The following SLC30A8 variants were observed in gnomAD, a reference collection of about 807,000 sequenced individuals.
SLC30A8 encodes the protein solute carrier family 30 member 8.
A neutral mutation model predicts 36.9 loss-of-function variants in SLC30A8; 27 were observed. That is an observed-to-expected ratio of 0.73 (90% CI 0.54 to 1.01). The LOEUF (loss-of-function observed/expected upper bound fraction) is 1.01, where lower values mean the gene tolerates loss of function less well. Ranked by LOEUF, SLC30A8 falls within the 50% of genes least tolerant of loss-of-function variation. The probability of loss-of-function intolerance (pLI) is 0.00; values close to 1 mark genes in which losing one functional copy is unlikely to be tolerated. For missense variants in SLC30A8, 439 were observed against 452.0 expected, an observed-to-expected ratio of 0.97 and a Z score of 0.26; for synonymous variants, 164 against 172.4, an observed-to-expected ratio of 0.95 and a Z score of 0.38.
intron 1 of SLC30A8, among the ~76,000 whole-genome samples, chr8:117,001,517 C>G (rs1816010800): frequency 1.3e-5 from 2 of 152,050 alleles, no homozygotes; most frequent in African/African-American, 4.8e-5. Context: ...CATCCTGATA[C>G]AAGTATTATT....
intron 1 of SLC30A8, among the ~76,000 whole-genome samples, chr8:116,968,966 A>C (rs895841147): frequency 2.6e-4 from 40 of 151,878 alleles, no homozygotes; most frequent in Non-Finnish European, 4.9e-4. Context: ...CCATCTCTTG[A>C]CCTTGTGATG....
At chr8:117,124,883 T>A (rs1262788588) in intron 2 of SLC30A8, among the ~76,000 whole-genome samples, 2 of 151,652 alleles carry the variant, frequency 1.3e-5, no homozygotes, top group African/African-American at 2.4e-5. Context: ...CATCCCACAA[T>A]ATCCACATGT....
At chr8:117,016,301 C>A (rs1586401268) in intron 1 of SLC30A8, among the ~76,000 whole-genome samples, 1 of 152,124 alleles carries the variant, frequency 6.6e-6, no homozygotes, top group Non-Finnish European at 1.5e-5. Flanking sequence ...TAATAGAAGT[C>A]GATATTGAAT....
chr8:117,054,098 CTT>C (rs4060800), intron 2 of SLC30A8, among the ~76,000 whole-genome samples: 53 of 124,008 alleles, frequency 4.3e-4, no homozygotes, highest in Admixed American at 5.0e-4. Context: ...CTGCAAAAAT[CTT>C]TTTTTTTTTT....
At chr8:117,121,969 T>C (rs571392087) in intron 2 of SLC30A8, among the ~76,000 whole-genome samples, 1 of 151,802 alleles carries the variant, frequency 6.6e-6, no homozygotes, top group East Asian at 2.0e-4. Flanking sequence ...CTTAAGAGAG[T>C]AGGTCTTATG....
intron 2 of SLC30A8, among the ~76,000 whole-genome samples, chr8:117,087,742 T>C (rs751990983): frequency 6.6e-6 from 1 of 152,182 alleles, no homozygotes; most frequent in Non-Finnish European, 1.5e-5. Flanking sequence ...CCTCTCATAA[T>C]AGGGTAGGTG....
intron 1 of SLC30A8, among the ~76,000 whole-genome samples, chr8:116,985,280 A>C (rs1455761924): frequency 7.1e-6 from 1 of 140,304 alleles, no homozygotes; most frequent in African/African-American, 2.7e-5. Context: ...AAGCATGTGC[A>C]TGCTCACACA....
intron 2 of SLC30A8, among the ~76,000 whole-genome samples, chr8:117,117,378 C>T (rs1820487238): frequency 6.6e-6 from 1 of 151,922 alleles, no homozygotes; most frequent in South Asian, 2.1e-4. Context: ...TATGTAACAT[C>T]ACCTCAGTAA....
At chr8:116,954,398 C>A (rs1814113292) in intron 1 of SLC30A8, among the ~76,000 whole-genome samples, 1 of 152,088 alleles carries the variant, frequency 6.6e-6, no homozygotes, top group South Asian at 2.1e-4. Context: ...TGGATAGAAT[C>A]ATCATAAATG....
At chr8:116,968,505 A>G (rs1814676913) in intron 1 of SLC30A8, among the ~76,000 whole-genome samples, 1 of 151,800 alleles carries the variant, frequency 6.6e-6, no homozygotes, top group Admixed American at 6.6e-5. Context: ...GAATTTGAGG[A>G]AACTGATGCC....
intron 2 of SLC30A8, among the ~76,000 whole-genome samples, chr8:117,051,846 G>A (rs373404247): frequency 2.0e-5 from 3 of 151,642 alleles, no homozygotes; most frequent in Non-Finnish European, 4.4e-5. Context: ...TAAAAAAACC[G>A]AGCCTGGCAC....
intron 3 of SLC30A8, among the ~76,000 whole-genome samples, chr8:117,154,237 C>T (rs940324046): frequency 2.0e-5 from 3 of 151,802 alleles, no homozygotes; most frequent in Admixed American, 6.6e-5. Flanking sequence ...TTTTACAGTC[C>T]CTCCCTAACC....
At chr8:116,964,022 A>G (rs1182175947) in intron 1 of SLC30A8, among the ~76,000 whole-genome samples, 2 of 152,248 alleles carry the variant, frequency 1.3e-5, no homozygotes, top group African/African-American at 4.8e-5. Flanking sequence ...AATTAAAGGT[A>G]TTATGTACTC....
At chr8:117,095,695 A>T (rs1293601108) in intron 2 of SLC30A8, among the ~76,000 whole-genome samples, 1 of 152,120 alleles carries the variant, frequency 6.6e-6, no homozygotes, top group Non-Finnish European at 1.5e-5. Context: ...TCATTCCTTT[A>T]GTCAGGTATG....
In SLC30A8 at chr8:117,175,732, A is replaced by G. The variant is rs1384154509; in HGVS notation, c.*3051A>G. 2 of 152,124 alleles carry G rather than the reference A, an allele frequency of 1.3e-5. No homozygotes were observed. Among genetic ancestry groups the G allele is most frequent in the Admixed American group, 6.6e-5 (1 of 15,266 alleles). The allele number at this position is 152,124 out of a possible 1,614,324, so 9.4% of individuals were successfully genotyped here. A position where few individuals can be genotyped will look rare whatever the true frequency, so the allele number is the denominator to read the frequency against. On this transcript the variant is annotated 3_prime_UTR_variant, in exon 8 of 8. Coordinates refer to ENST00000456015, the MANE Select transcript of SLC30A8 (RefSeq NM_173851.3). ...ATGAGTGGGCACAGAATTTTAAATC[A>G]TCTCAACTTTTGAGAAATTTTGAGT...
intron 2 of SLC30A8, among the ~76,000 whole-genome samples, chr8:117,072,542 A>G (rs1818362180): frequency 6.6e-6 from 1 of 152,152 alleles, no homozygotes; most frequent in African/African-American, 2.4e-5. Flanking sequence ...AACCACAATA[A>G]GATTTTCCAG....
chr8:117,160,212 G>T (rs1036300698), intron 4 of SLC30A8, among the ~76,000 whole-genome samples: 19 of 152,340 alleles, frequency 1.2e-4, no homozygotes, highest in African/African-American at 4.6e-4. Context: ...TAGGATGAAG[G>T]TTATAAATAC....
chr8:117,024,961 T>C (rs932680554), intron 1 of SLC30A8, among the ~76,000 whole-genome samples: 7 of 152,154 alleles, frequency 4.6e-5, no homozygotes, highest in Admixed American at 4.6e-4. Context: ...TACTCTCTCT[T>C]TCCCCATCCC....
At chr8:116,990,969 A>G (rs1815619855) in intron 1 of SLC30A8, among the ~76,000 whole-genome samples, 3 of 152,188 alleles carry the variant, frequency 2.0e-5, no homozygotes, top group Admixed American at 2.0e-4. Context: ...AGAAAGAATT[A>G]GTATTTTGTT....
Sources: allele counts gnomAD v4.1 joint callset (sites outside exome capture counted in the v4.1 genomes callset), GRCh38; gene constraint gnomAD v4.1.1; transcripts MANE v1.5; gene names NCBI Gene and HGNC (gene_info 2026-07-23, HGNC 2026-07-21).